Variants in LDLRAD4 observed in about 807,000 individuals in gnomAD.
LDLRAD4 encodes the protein low density lipoprotein receptor class A domain containing 4.
LDLRAD4 carries 5 observed loss-of-function variants against 17.0 expected under a neutral mutation model. The observed-to-expected ratio is 0.29, with a 90% CI of 0.15 to 0.62. The LOEUF (loss-of-function observed/expected upper bound fraction) is 0.62. LDLRAD4 is among the 20% of genes least tolerant of loss of function. The pLI is 0.84. For missense variants in LDLRAD4, 340 were observed against 424.7 expected, an observed-to-expected ratio of 0.80 and a Z score of 1.75; for synonymous variants, 168 against 171.8, an observed-to-expected ratio of 0.98 and a Z score of 0.17.
chr18:13,586,339 G>A (rs990880696), intron 3 of LDLRAD4, among the ~76,000 whole-genome samples: 24 of 139,038 alleles, frequency 1.7e-4, no homozygotes, highest in Admixed American at 1.5e-3. Context: ...CCCGGGAGGC[G>A]GAGGTTGCAG....
At chr18:13,642,360 G>A in intron 4 of LDLRAD4, 3 of 1,017,838 alleles carry the variant, frequency 2.9e-6, no homozygotes, top group Non-Finnish European at 2.3e-6. Context: ...GGACCCTGCT[G>A]ACAGCCACAC....
At chr18:13,407,266 C>G (rs919743344) in intron 2 of LDLRAD4, among the ~76,000 whole-genome samples, 5 of 152,144 alleles carry the variant, frequency 3.3e-5, no homozygotes, top group African/African-American at 1.2e-4. Context: ...CTTCTCTCAT[C>G]TCATTTATTA....
At chr18:13,395,706 G>A (rs1426510894) in intron 2 of LDLRAD4, among the ~76,000 whole-genome samples, 1 of 108,804 alleles carries the variant, frequency 9.2e-6, no homozygotes, top group Non-Finnish European at 1.9e-5. Flanking sequence ...GGGAGCTGGC[G>A]TGGGGGCGGG....
At chr18:13,545,194 G>T (rs2094343763) in intron 3 of LDLRAD4, among the ~76,000 whole-genome samples, 1 of 152,040 alleles carries the variant, frequency 6.6e-6, no homozygotes, top group Admixed American at 6.5e-5. Context: ...TGGGAAGATG[G>T]CTCCAGGACT....
intron 3 of LDLRAD4, among the ~76,000 whole-genome samples, chr18:13,571,904 A>G (rs1786491): frequency 0.77 from 116,586 of 152,100 alleles, 44,964 homozygotes; most frequent in East Asian, 0.89. Context: ...CCAAAGTGCT[A>G]GGATTACAGG....
intron 1 of LDLRAD4, among the ~76,000 whole-genome samples, chr18:13,249,789 A>G (rs895096564): frequency 5.3e-5 from 8 of 152,176 alleles, no homozygotes; most frequent in Admixed American, 3.3e-4. Context: ...TTTGTTGCCC[A>G]TGCTTTTGGA....
intron 1 of LDLRAD4, among the ~76,000 whole-genome samples, chr18:13,382,017 G>A (rs534824863): frequency 3.3e-5 from 5 of 152,326 alleles, no homozygotes; most frequent in Admixed American, 1.3e-4. Context: ...GCCGGGGCTC[G>A]GCCCTGAGCG....
chr18:13,539,270 C>T (rs954966203), intron 3 of LDLRAD4, among the ~76,000 whole-genome samples: 1 of 152,174 alleles, frequency 6.6e-6, no homozygotes. Flanking sequence ...CGCAAGGACC[C>T]ACGTCAGGGA....
intron 3 of LDLRAD4, among the ~76,000 whole-genome samples, chr18:13,508,583 A>G (rs1210533410): frequency 6.6e-6 from 1 of 152,238 alleles, no homozygotes; most frequent in Non-Finnish European, 1.5e-5. Context: ...ATCATGCTAA[A>G]TCTATGCTGC....
At chr18:13,569,319 C>T (rs868262114) in intron 3 of LDLRAD4, among the ~76,000 whole-genome samples, 6 of 152,240 alleles carry the variant, frequency 3.9e-5, no homozygotes, top group African/African-American at 9.6e-5. Context: ...ACTAGCCCTG[C>T]GCTATCTGGG....
upstream of LDLRAD4, among the ~76,000 whole-genome samples, chr18:13,273,548 T>C (rs1485249708): frequency 6.6e-6 from 1 of 152,180 alleles, no homozygotes; most frequent in Non-Finnish European, 1.5e-5. Context: ...CACCTTGGCC[T>C]CTCAAAGTGC....
intron 1 of LDLRAD4, among the ~76,000 whole-genome samples, chr18:13,254,406 T>A (rs558101650): frequency 2.6e-5 from 4 of 152,284 alleles, no homozygotes; most frequent in African/African-American, 7.2e-5. Context: ...GTCTGGAGAC[T>A]GGGCAGTTTG....
intron 1 of LDLRAD4, among the ~76,000 whole-genome samples, chr18:13,221,046 C>T (rs1439430697): frequency 1.3e-5 from 2 of 152,182 alleles, no homozygotes; most frequent in African/African-American, 4.8e-5. Flanking sequence ...TGCCATGTTT[C>T]TTCTCATCTT....
At chr18:13,346,656 T>C (rs2082707697) in intron 1 of LDLRAD4, among the ~76,000 whole-genome samples, 1 of 152,232 alleles carries the variant, frequency 6.6e-6, no homozygotes, top group African/African-American at 2.4e-5. Context: ...CTCATTGATC[T>C]GTCTAATGTT....
At chr18:13,343,152 A>G (rs2082473762) in intron 1 of LDLRAD4, among the ~76,000 whole-genome samples, 1 of 152,082 alleles carries the variant, frequency 6.6e-6, no homozygotes, top group South Asian at 2.1e-4. Context: ...TTACATATGT[A>G]TACATGTGCC....
chr18:13,321,861 CAAAAAAAAAAAAAAAAAAAAA>C (rs57033432), intron 1 of LDLRAD4, among the ~76,000 whole-genome samples: 39 of 62,136 alleles, frequency 6.3e-4, no homozygotes, highest in Admixed American at 1.7e-3. Flanking sequence ...GACTCCGTCT[CAAAAAAAAAAAAAAAAAAAAA>C]AAAAAAAAAA....
chr18:13,286,749 A>G (rs144006790), intron 1 of LDLRAD4, among the ~76,000 whole-genome samples: 165 of 152,242 alleles, frequency 1.1e-3, no homozygotes, highest in African/African-American at 3.7e-3. Context: ...AAGGAGACGG[A>G]AGCTGAGAGG....
intron 1 of LDLRAD4, among the ~76,000 whole-genome samples, chr18:13,222,120 A>G (rs1475741025): frequency 6.6e-6 from 1 of 152,112 alleles, no homozygotes; most frequent in Non-Finnish European, 1.5e-5. Flanking sequence ...TTAATTTTTA[A>G]TGACTGTACT....
At position 13,557,190 on chromosome 18, in the gene LDLRAD4, C is replaced by A. The variant is rs563334083; in HGVS notation, c.182-63927C>A. On this transcript the variant is annotated intron_variant, in intron 3 of 5. Transcript: ENST00000359446. ...GCACATGCCCATAGTCCTAGCTGCC[C>A]AGGAGGCTGAGCCAGGAGGATCACT... is the stretch of plus-strand genomic sequence containing the variant. Among the ~76,000 whole-genome samples, 4 of 151,950 alleles carry A rather than the reference C, an allele frequency of 2.6e-5. No individual in the cohort carries two copies. In the South Asian group the frequency reaches 8.3e-4, roughly 32 times the overall value.
Sources: gnomAD v4.1 joint callset for allele counts (sites outside exome capture counted in the v4.1 genomes callset) on GRCh38, gnomAD v4.1.1 for gene constraint, MANE v1.5 for transcripts, NCBI Gene and HGNC (gene_info 2026-07-23, HGNC 2026-07-21) for gene names.